The following C1orf167 variants were observed in gnomAD, a reference collection of about 807,000 sequenced individuals.
C1orf167 encodes the protein chromosome 1 open reading frame 167, also known as uncharacterized protein C1orf167.
Under a neutral mutation model 176.5 loss-of-function variants are expected in C1orf167, and 153 were observed. The ratio of observed to expected loss-of-function variants is 0.87; its 90% confidence interval spans 0.76 to 0.99. C1orf167 has a LOEUF of 0.99. C1orf167 is among the 50% of genes least tolerant of loss of function. The pLI is 0.00. For synonymous variants in C1orf167, 594 were observed against 752.7 expected (o/e 0.79, Z 3.45); for missense variants, 1,490 against 1,817.7 (o/e 0.82, Z 3.28).
At chr1:11,785,094 G>A (rs969464643) in intron 15 of C1orf167, 54 bp from the exon 16 acceptor site, 4 of 1,226,418 alleles carry the variant, frequency 3.3e-6, no homozygotes, top group Non-Finnish European at 4.2e-6. Flanking sequence ...GGGGCTCCCT[G>A]CAGAGAGTCC....
intron 1 of C1orf167, among the ~76,000 whole-genome samples, chr1:11,763,178 G>A (rs1242994965): frequency 3.3e-5 from 5 of 152,202 alleles, no homozygotes; most frequent in East Asian, 1.9e-4. Context: ...GGTGGCTCAC[G>A]CCTGTAATCC....
At position 11,768,876 on chromosome 1, in the gene C1orf167, A is replaced by G; in HGVS notation, c.1543-97A>G. On this transcript the variant is annotated intron_variant, in intron 5 of 20. Transcript: ENST00000688073. The surrounding 1 kb of genome is among the most constrained non-coding windows in gnomAD (Gnocchi z 4.5). ...TTAAGACCACAGGCTGTGGAATCTGATAGGCATGTGTTACTCCTGTCCCCG... is the reference window on the plus strand; with the variant it reads ...TTAAGACCACAGGCTGTGGAATCTGGTAGGCATGTGTTACTCCTGTCCCCG... 2 of 834,726 alleles carry G rather than the reference A, an allele frequency of 2.4e-6. No homozygotes were observed. The highest frequency in any genetic ancestry group is 2.9e-6 in the Non-Finnish European group (2 of 692,234). The allele number at this position is 834,726 out of a possible 1,614,324, so 51.7% of individuals were successfully genotyped here. A position where few individuals can be genotyped will look rare whatever the true frequency, so the allele number is the denominator to read the frequency against.
Position 11,766,284 on chromosome 1 carries a change from G to A in C1orf167, c.498G>A (p.Leu166=). Reference sequence around the variant, plus strand: ...CACTGGCTCGCCCATCTTCCTGCCTGAGGCAGTCCGGGCTGCCGGCCCCAG... The same window carrying A: ...CACTGGCTCGCCCATCTTCCTGCCTAAGGCAGTCCGGGCTGCCGGCCCCAG... ...QEPLARPSSC[L]RQSGLPAPGT... Residue 166 remains leucine, a synonymous_variant, in exon 3 of 21, where the codon CTG becomes CTA. Coordinates refer to ENST00000688073, the MANE Select transcript of C1orf167 (RefSeq NM_001010881.2). This position sits in a 1 kb window ranked among gnomAD's most constrained non-coding sequence, Gnocchi z 4.5. 1 of 1,289,690 alleles carries A rather than the reference G, an allele frequency of 7.8e-7. No homozygotes were observed. The highest frequency in any genetic ancestry group is 1.2e-5 in the South Asian group (1 of 81,008). The allele number at this position is 1,289,690 out of a possible 1,614,324, so 79.9% of individuals were successfully genotyped here.
chr1:11,764,336 A>G lies in C1orf167; in HGVS notation c.-65A>G. Reference sequence around the variant, plus strand: ...AACCTGTCCTCTCCCCGCAGGGCCCATCTGATTAAACAGACCAGGCCACTC... The same window carrying G: ...AACCTGTCCTCTCCCCGCAGGGCCCGTCTGATTAAACAGACCAGGCCACTC... On this transcript the variant is annotated 5_prime_UTR_variant, in exon 2 of 21. Transcript: ENST00000688073. The G allele has an allele frequency of 1.6e-6, 2 of 1,226,014 alleles. No homozygotes were observed. Among genetic ancestry groups the G allele is most frequent in the Non-Finnish European group, 2.1e-6 (2 of 931,086 alleles). The allele number at this position is 1,226,014 out of a possible 1,614,324, so 75.9% of individuals were successfully genotyped here. A position where few individuals can be genotyped will look rare whatever the true frequency, so the allele number is the denominator to read the frequency against.
Position 11,768,242 on chromosome 1 carries a change from C to T in C1orf167, c.1509C>T (p.Tyr503=), listed in dbSNP as rs771313587. ...EAQLEAAWGQ[Y]TKVLLVRSFR... is the part of the protein sequence containing the mutation. ...AGCTGGAGGCAGCATGGGGGCAGTACACAAAGGTTCTGCTGGTCCGGAGCT... is the reference window on the plus strand; with the variant it reads ...AGCTGGAGGCAGCATGGGGGCAGTATACAAAGGTTCTGCTGGTCCGGAGCT... The change falls in exon 5 of 21, where the codon TAC becomes TAT. Residue 503 remains tyrosine, a synonymous_variant. Coordinates refer to ENST00000688073, the MANE Select transcript of C1orf167 (RefSeq NM_001010881.2). This position sits in a 1 kb window ranked among gnomAD's most constrained non-coding sequence, Gnocchi z 4.5. 2.3e-6 allele frequency: 3 copies of T among 1,289,924 alleles called. No homozygotes were observed. The South Asian group carries it at 3.7e-5, about 16-fold the overall frequency. The allele number at this position is 1,289,924 out of a possible 1,614,324, so 79.9% of individuals were successfully genotyped here. A position where few individuals can be genotyped will look rare whatever the true frequency, so the allele number is the denominator to read the frequency against.
rs562305112 is a variant in C1orf167, at chr1:11,788,542, C to A, written c.4079-110C>A. ...ATACTCCTCAGATGACACCCCCTTG[C>A]CATAGCCCTTTCACTCTGGTGCAGC... On this transcript the variant is annotated intron_variant, in intron 19 of 20. Coordinates refer to ENST00000688073, the MANE Select transcript of C1orf167 (RefSeq NM_001010881.2). 8.8e-5 allele frequency: 100 copies of A among 1,132,666 alleles called. 1 individual carries two copies. The African/African-American group carries it at 1.5e-3, about 17-fold the overall frequency. The allele number at this position is 1,132,666 out of a possible 1,614,324, so 70.2% of individuals were successfully genotyped here.
rs2184226 is a variant in C1orf167, at chr1:11,787,379, T to C, written c.3568-9T>C. On this transcript the variant is annotated splice_polypyrimidine_tract_variant and intron_variant, in intron 16 of 20. Coordinates refer to ENST00000688073, the MANE Select transcript of C1orf167 (RefSeq NM_001010881.2). ...GGGTTCAGGTGCTCCTCTCTGGCTA[T>C]TCCTTCAGACCCGCAGCTGCTGGAC... 0.079 allele frequency: 101,026 copies of C among 1,281,526 alleles called. 4,186 individuals carry two copies. The highest frequency in any genetic ancestry group is 0.12 in the Middle Eastern group (562 of 4,500). The allele number at this position is 1,281,526 out of a possible 1,614,324, so 79.4% of individuals were successfully genotyped here.
intron 9 of C1orf167, 57 bp from the exon 10 acceptor site, chr1:11,776,407 G>A (rs748021951): frequency 2.4e-6 from 3 of 1,265,560 alleles, no homozygotes; most frequent in Admixed American, 2.6e-5. Flanking sequence ...ATCAATGGCT[G>A]TGGGCAGAGT....
Position 11,769,132 on chromosome 1 carries a change from G to A in C1orf167, c.1697+5G>A. 1 of 985,942 alleles carries A rather than the reference G, an allele frequency of 1.0e-6. No individual in the cohort carries two copies. The allele number at this position is 985,942 out of a possible 1,614,324, so 61.1% of individuals were successfully genotyped here. On this transcript the variant is annotated splice_donor_5th_base_variant and intron_variant, in intron 6 of 20. Transcript: ENST00000688073. ...AAGCAGGCTGGAACACACCAGGTTGGTCAGTGTTGCCTGGGAAGCCGGTGG... is the reference window on the plus strand; with the variant it reads ...AAGCAGGCTGGAACACACCAGGTTGATCAGTGTTGCCTGGGAAGCCGGTGG...
At position 11,768,788 on chromosome 1, in the gene C1orf167, C is replaced by T. The variant is rs1379524747; in HGVS notation, c.1543-185C>T. 1.3e-5 allele frequency among the ~76,000 whole-genome samples: 2 copies of T among 152,054 alleles called. No individual in the cohort carries two copies. Among genetic ancestry groups the T allele is most frequent in the Non-Finnish European group, 2.9e-5 (2 of 68,014 alleles). On this transcript the variant is annotated intron_variant, in intron 5 of 20. Transcript: ENST00000688073. The surrounding 1 kb of genome is among the most constrained non-coding windows in gnomAD (Gnocchi z 4.5). ...GCGTTGCCTCTTGGGATGCATCGCT[C>T]TATATTTGTTCATTCATTCATTCCT...
At chr1:11,765,354 G>A (rs1642738937) in intron 2 of C1orf167, among the ~76,000 whole-genome samples, 1 of 151,986 alleles carries the variant, frequency 6.6e-6, no homozygotes, top group African/African-American at 2.4e-5. Flanking sequence ...GAGCTCCAAG[G>A]CCCCTCTCCA....
At chr1:11,787,848 C>T (rs1643931273) in intron 17 of C1orf167, 25 bp from the exon 18 acceptor site, 7 of 1,206,644 alleles carry the variant, frequency 5.8e-6, no homozygotes, top group Non-Finnish European at 6.4e-6. Context: ...ACCTTAACCT[C>T]TTGTGACTCA....
intron 13 of C1orf167, among the ~76,000 whole-genome samples, chr1:11,780,921 GAGGGATGGTCCC>G (rs150165613): frequency 0.11 from 16,918 of 151,930 alleles, 1,016 homozygotes; most frequent in South Asian, 0.19. Context: ...GTGAAGGGAG[GAGGGATGGTCCC>G]AAGGCAGGCT....
rs1459487396 is a variant in C1orf167, at chr1:11,778,987, A to G, written c.2558A>G (p.Gln853Arg). ...LQGSLLWAAGQRQQGQCLLLW... is the reference protein window; with the variant it reads ...LQGSLLWAAGRRQQGQCLLLW... ...GGGAGCCTTCTGTGGGCAGCTGGGC[A>G]GCGGCAGCAGGGGCAGTGCCTTCTG... Residue 853 changes from glutamine to arginine, a missense_variant, in exon 12 of 21, where the codon CAG (glutamine) becomes CGG (arginine). Transcript: ENST00000688073. 5 of 1,303,514 alleles carry G rather than the reference A, an allele frequency of 3.8e-6. No homozygotes were observed. The highest frequency in any genetic ancestry group is 5.6e-5 in the East Asian group (1 of 18,006). 80.7% of individuals were successfully genotyped at this position (1,303,514 alleles called of 1,614,324 possible).
At position 11,771,590 on chromosome 1, in the gene C1orf167, C is replaced by T; in HGVS notation, c.1764C>T (p.Asp588=). 7.8e-7 allele frequency: 1 copy of T among 1,289,862 alleles called. No homozygotes were observed. Among genetic ancestry groups the T allele is most frequent in the Non-Finnish European group, 1.0e-6 (1 of 988,882 alleles). 79.9% of individuals were successfully genotyped at this position (1,289,862 alleles called of 1,614,324 possible). ...RLLSHPRQRT[D]SRHERVQILQ... ...TGTCACATCCTAGGCAGAGAACAGA[C>T]AGCAGACACGAGAGAGTCCAGATCC... The change falls in exon 7 of 21, where the codon GAC becomes GAT. Residue 588 remains aspartate (D), a synonymous_variant. Coordinates refer to ENST00000688073, the MANE Select transcript of C1orf167 (RefSeq NM_001010881.2).
In C1orf167 at chr1:11,784,289, C is replaced by T. The variant is rs1042926694; in HGVS notation, c.3121C>T (p.Arg1041Trp). The T allele has an allele frequency of 3.8e-5, 49 of 1,303,236 alleles. No individual in the cohort carries two copies. The highest frequency in any genetic ancestry group is 4.7e-5 in the Non-Finnish European group (46 of 988,508). 80.7% of individuals were successfully genotyped at this position (1,303,236 alleles called of 1,614,324 possible). The change falls in exon 15 of 21, where the codon CGG (arginine) becomes TGG (tryptophan). Residue 1041 changes from arginine to tryptophan, a missense_variant. Coordinates refer to ENST00000688073, the MANE Select transcript of C1orf167 (RefSeq NM_001010881.2). Reference sequence around the variant, plus strand: ...ACTGGGGGCCGTGTTTGCCACATGGCGGGAAGCCCAGGAAGTGGCAGCCGG... The same window carrying T: ...ACTGGGGGCCGTGTTTGCCACATGGTGGGAAGCCCAGGAAGTGGCAGCCGG... ...RALGAVFATWREAQEVAAGAQ... is the reference protein window; with the variant it reads ...RALGAVFATWWEAQEVAAGAQ...
At chr1:11,783,562 T>C (rs77910709) in intron 14 of C1orf167, among the ~76,000 whole-genome samples, 1 of 152,072 alleles carries the variant, frequency 6.6e-6, no homozygotes, top group Non-Finnish European at 1.5e-5. Flanking sequence ...TGGTTTTTTT[T>C]CTTGGCTTCT....
chr1:11,784,667 T>G (rs988935569), intron 15 of C1orf167, 74 bp downstream of exon 15: 1 of 1,185,022 alleles, frequency 8.4e-7, no homozygotes, highest in African/African-American at 1.6e-5. Flanking sequence ...TTGGCAGGGG[T>G]AGAGCGTAAT....
At chr1:11,788,853 C>T (rs758483138) in intron 20 of C1orf167, 107 bp downstream of exon 20, 40 of 1,025,594 alleles carry the variant, frequency 3.9e-5, no homozygotes, top group Non-Finnish European at 5.3e-5. Context: ...GCTTGCCAGC[C>T]CCGGGGCCCC....
Sources: gnomAD v4.1 joint callset for allele counts (sites outside exome capture counted in the v4.1 genomes callset) on GRCh38, gnomAD v4.1.1 for gene constraint, Gnocchi (gnomAD v3.1) non-coding constraint, MANE v1.5 for transcripts, NCBI Gene and HGNC (gene_info 2026-07-23, HGNC 2026-07-21) for gene names.